Variants in ROBO2 observed in about 807,000 individuals in gnomAD.
The protein encoded by ROBO2 is roundabout guidance receptor 2, also known as roundabout homolog 2.
In ROBO2, 53 loss-of-function variants were observed where a neutral mutation model predicts 160.8. The observed-to-expected ratio is 0.33, with a 90% confidence interval of 0.26 to 0.41. ROBO2 has a LOEUF of 0.41. Ranked by LOEUF, ROBO2 falls within the 10% of genes least tolerant of loss-of-function variation. The probability of loss-of-function intolerance (pLI) is 1.00; values close to 1 mark genes in which losing one functional copy is unlikely to be tolerated. For missense variants in ROBO2, 1,577 were observed against 1,722.4 expected, an observed-to-expected ratio of 0.92 and a Z score of 1.49; for synonymous variants, 664 against 611.7, an observed-to-expected ratio of 1.09 and a Z score of -1.26.
chr3:76,898,295 A>G (rs558691275), intron 2 of ROBO2, among the ~76,000 whole-genome samples: 1 of 152,222 alleles, frequency 6.6e-6, no homozygotes, highest in East Asian at 1.9e-4. Flanking sequence ...TTTTAACACA[A>G]TTCAATAGCA....
chr3:76,344,480 T>C (rs2074407316), intron 2 of ROBO2, among the ~76,000 whole-genome samples: 1 of 152,158 alleles, frequency 6.6e-6, no homozygotes. Flanking sequence ...GGAATGTTCT[T>C]TAAGCTATAT....
intron 2 of ROBO2, among the ~76,000 whole-genome samples, chr3:76,943,246 T>C (rs1443532226): frequency 6.6e-6 from 1 of 152,210 alleles, no homozygotes; most frequent in African/African-American, 2.4e-5. Flanking sequence ...GCATTTGCGC[T>C]GGGGAATTCC....
chr3:76,057,940 A>G (rs2067911294), intron 2 of ROBO2, among the ~76,000 whole-genome samples: 3 of 152,210 alleles, frequency 2.0e-5, no homozygotes, highest in African/African-American at 7.2e-5. Context: ...GTAGTTAAAA[A>G]TACAGTACAA....
At chr3:77,300,848 ATTTATTTATTTATTT>A (rs2062592391) in intron 2 of ROBO2, among the ~76,000 whole-genome samples, 1 of 30,604 alleles carries the variant, frequency 3.3e-5, no homozygotes, top group Admixed American at 4.7e-4. Context: ...ATAATAGACT[ATTTATTTATTTATTT>A]ATTTATTTAT....
intron 2 of ROBO2, among the ~76,000 whole-genome samples, chr3:75,967,638 T>C (rs142625634): frequency 6.6e-6 from 1 of 151,734 alleles, no homozygotes; most frequent in Non-Finnish European, 1.5e-5. Flanking sequence ...GTAGAAATAA[T>C]ACTGTTAGAA....
At chr3:77,579,397 T>C (rs1013807162) in intron 15 of ROBO2, among the ~76,000 whole-genome samples, 3 of 152,172 alleles carry the variant, frequency 2.0e-5, no homozygotes, top group African/African-American at 4.8e-5. Flanking sequence ...TTTTAGTCAA[T>C]ACCTATAACT....
intron 2 of ROBO2, among the ~76,000 whole-genome samples, chr3:76,215,081 A>G (rs187802199): frequency 6.6e-6 from 1 of 152,326 alleles, no homozygotes; most frequent in African/African-American, 2.4e-5. Context: ...GCAAACTCCA[A>G]CAGACCTGCA....
intron 2 of ROBO2, among the ~76,000 whole-genome samples, chr3:76,966,700 T>C (rs570339962): frequency 2.8e-4 from 42 of 152,330 alleles, no homozygotes; most frequent in Admixed American, 2.7e-3. Context: ...TCCACCTCCC[T>C]GCAATCATTG....
intron 2 of ROBO2, among the ~76,000 whole-genome samples, chr3:77,306,666 A>T (rs1162906452): frequency 2.0e-5 from 3 of 152,194 alleles, no homozygotes; most frequent in African/African-American, 7.2e-5. Context: ...TATACCACAT[A>T]GCATAAGTTT....
intron 2 of ROBO2, among the ~76,000 whole-genome samples, chr3:77,144,517 C>T (rs1384074568): frequency 1.3e-5 from 2 of 152,128 alleles, no homozygotes; most frequent in Non-Finnish European, 2.9e-5. Context: ...TGATTTGTCT[C>T]AACTATATAT....
At chr3:77,455,738 T>C (rs1442636575) in intron 2 of ROBO2, among the ~76,000 whole-genome samples, 2 of 38,052 alleles carry the variant, frequency 5.3e-5, no homozygotes, top group African/African-American at 1.2e-3. Context: ...CCTTATACTC[T>C]TTTTTTTTTT....
At chr3:76,309,105 G>A (rs2071455520) in intron 2 of ROBO2, among the ~76,000 whole-genome samples, 1 of 152,018 alleles carries the variant, frequency 6.6e-6, no homozygotes. Flanking sequence ...AAGAGGGATG[G>A]AGCCAGCGGA....
intron 2 of ROBO2, among the ~76,000 whole-genome samples, chr3:76,635,537 T>C (rs1219950090): frequency 6.6e-6 from 1 of 152,230 alleles, no homozygotes; most frequent in Non-Finnish European, 1.5e-5. Context: ...GGAGGTACTT[T>C]GCAAATGTTC....
At chr3:75,967,737 AT>A (rs1949168705) in intron 2 of ROBO2, among the ~76,000 whole-genome samples, 1 of 151,434 alleles carries the variant, frequency 6.6e-6, no homozygotes. Flanking sequence ...AACCAACCTT[AT>A]TTTTAGCCTC....
intron 2 of ROBO2, among the ~76,000 whole-genome samples, chr3:76,606,776 T>C (rs1480178826): frequency 6.6e-6 from 1 of 152,148 alleles, no homozygotes; most frequent in East Asian, 1.9e-4. Context: ...GGTTAATTTC[T>C]GATTTCATAA....
At position 76,837,726 on chromosome 3, in the gene ROBO2, C is replaced by T. The variant is rs555859899; in HGVS notation, c.110-260288C>T. ...CTACTCTAAATAATTCAAGTTTTAT[C>T]TCTTAAGAACAAGTACAATCTTGTT... On this transcript the variant is annotated intron_variant, in intron 2 of 26. Transcript: ENST00000487694. 4.6e-5 allele frequency among the ~76,000 whole-genome samples: 7 copies of T among 151,964 alleles called. No individual in the cohort carries two copies. The South Asian group carries it at 1.5e-3, about 32-fold the overall frequency.
intron 2 of ROBO2, among the ~76,000 whole-genome samples, chr3:76,249,290 G>A (rs2107546034): frequency 6.6e-6 from 1 of 152,200 alleles, no homozygotes; most frequent in African/African-American, 2.4e-5. Flanking sequence ...TATACAGTTG[G>A]AGAGTCAGGA....
intron 2 of ROBO2, among the ~76,000 whole-genome samples, chr3:76,458,644 G>T (rs1175461473): frequency 1.3e-5 from 2 of 152,066 alleles, no homozygotes; most frequent in Non-Finnish European, 2.9e-5. Flanking sequence ...TCACGCTGCT[G>T]ATAAAGACAT....
intron 2 of ROBO2, among the ~76,000 whole-genome samples, chr3:76,510,844 C>G (rs1357219554): frequency 6.6e-6 from 1 of 152,152 alleles, no homozygotes; most frequent in African/African-American, 2.4e-5. Context: ...TCTTTAGCTT[C>G]TCAATGAACA....
Sources: allele counts gnomAD v4.1 joint callset (sites outside exome capture counted in the v4.1 genomes callset), GRCh38; gene constraint gnomAD v4.1.1; transcripts MANE v1.5; gene names NCBI Gene and HGNC (gene_info 2026-07-23, HGNC 2026-07-21).